Variants in EDARADD observed in about 807,000 individuals in gnomAD.
EDARADD encodes the protein ectodysplasin-A receptor-associated adapter protein.
Under a neutral mutation model 25.6 loss-of-function variants are expected in EDARADD, and 20 were observed. That is an observed-to-expected ratio of 0.78 (90% confidence interval 0.55 to 1.14). The LOEUF (loss-of-function observed/expected upper bound fraction) is 1.14, where lower values mean the gene tolerates loss of function less well. Ranked by LOEUF, EDARADD falls within the 50% of genes most tolerant of loss-of-function variation. The pLI is 0.00. For missense variants in EDARADD, 225 were observed against 270.1 expected (o/e 0.83, Z 1.17); for synonymous variants, 86 against 94.4 (o/e 0.91, Z 0.52).
intron 4 of EDARADD, among the ~76,000 whole-genome samples, chr1:236,457,070 T>A (rs1658889433): frequency 6.6e-6 from 1 of 152,094 alleles, no homozygotes; most frequent in Non-Finnish European, 1.5e-5. Context: ...AGGCCTTGAG[T>A]ACTTTTTTTC....
At chr1:236,453,300 A>G (rs184201389) in intron 4 of EDARADD, among the ~76,000 whole-genome samples, 1,852 of 128,136 alleles carry the variant, frequency 0.014, 52 homozygotes, top group African/African-American at 0.053. Context: ...TTTTTTTGAG[A>G]TGGAGTCTCG....
intron 1 of EDARADD, among the ~76,000 whole-genome samples, chr1:236,401,351 C>T (rs780250732): frequency 6.6e-5 from 10 of 152,318 alleles, no homozygotes; most frequent in African/African-American, 1.7e-4. Flanking sequence ...GAAGTCCTGA[C>T]ATACTTCCTT....
intron 3 of EDARADD, among the ~76,000 whole-genome samples, chr1:236,372,886 A>G (rs192657717): frequency 6.7e-6 from 1 of 148,428 alleles, no homozygotes; most frequent in Non-Finnish European, 1.5e-5. Flanking sequence ...TTTAATGCCC[A>G]TGGGATCATT....
chr1:236,420,096 G>A (rs1657743719), intron 3 of EDARADD, among the ~76,000 whole-genome samples: 1 of 152,332 alleles, frequency 6.6e-6, no homozygotes, highest in East Asian at 1.9e-4. Flanking sequence ...TGAGGCACGA[G>A]AATCGCTTGA....
At chr1:236,447,043 G>C (rs1487125857) in intron 4 of EDARADD, among the ~76,000 whole-genome samples, 1 of 152,198 alleles carries the variant, frequency 6.6e-6, no homozygotes, top group Non-Finnish European at 1.5e-5. Flanking sequence ...GGTCACCAGT[G>C]CTGGCACCAG....
chr1:236,479,796 G>T (rs1386428789), intron 5 of EDARADD, among the ~76,000 whole-genome samples: 1 of 150,536 alleles, frequency 6.6e-6, no homozygotes, highest in Non-Finnish European at 1.5e-5. Flanking sequence ...CCACAATCTC[G>T]GTGCTTTGGG....
In EDARADD at chr1:236,484,765, G is replaced by A. The variant is rs558997950; in HGVS notation, c.*2116G>A. 4.4e-4 allele frequency: 113 copies of A among 255,946 alleles called. No individual in the cohort carries two copies. The highest frequency in any genetic ancestry group is 2.3e-3 in the African/African-American group (101 of 44,278). 15.9% of individuals were successfully genotyped at this position (255,946 alleles called of 1,614,324 possible). A position where few individuals can be genotyped will look rare whatever the true frequency, so the allele number is the denominator to read the frequency against. Reference sequence around the variant, plus strand: ...AAGCCAAGCTCCCTGGAGCCCTGTTGGCAGCTCTAGCCTTGCAGTCATGTA... The same window carrying A: ...AAGCCAAGCTCCCTGGAGCCCTGTTAGCAGCTCTAGCCTTGCAGTCATGTA... On this transcript the variant is annotated 3_prime_UTR_variant, in exon 6 of 6. Coordinates refer to ENST00000334232, the MANE Select transcript of EDARADD (RefSeq NM_145861.4). This position sits in a 1 kb window ranked among gnomAD's most constrained non-coding sequence, Gnocchi z 4.1.
chr1:236,464,340 C>G (rs1190308420), intron 4 of EDARADD, among the ~76,000 whole-genome samples: 1 of 150,776 alleles, frequency 6.6e-6, no homozygotes, highest in Non-Finnish European at 1.5e-5. Flanking sequence ...ACCTTGAACT[C>G]CTGGGCTCAA....
chr1:236,421,863 C>G (rs945356861), intron 3 of EDARADD, among the ~76,000 whole-genome samples: 18 of 152,100 alleles, frequency 1.2e-4, no homozygotes, highest in African/African-American at 4.3e-4. Flanking sequence ...CAACAGTTCA[C>G]CCCTAGATGC....
At chr1:236,444,912 T>C (rs186596564) in intron 4 of EDARADD, among the ~76,000 whole-genome samples, 1 of 152,242 alleles carries the variant, frequency 6.6e-6, no homozygotes, top group Admixed American at 6.5e-5. Flanking sequence ...TTTATAGTTT[T>C]CCTCACATAG....
intron 4 of EDARADD, among the ~76,000 whole-genome samples, chr1:236,431,927 CAAAAAAAAAAA>C (rs1170622280): frequency 5.6e-5 from 1 of 17,994 alleles, no homozygotes; most frequent in Admixed American, 7.1e-4. Context: ...GACTCCGTCT[CAAAAAAAAAAA>C]AAAAAAAAAA....
intron 1 of EDARADD, among the ~76,000 whole-genome samples, chr1:236,401,228 C>G (rs889803875): frequency 6.6e-6 from 1 of 151,602 alleles, no homozygotes; most frequent in Non-Finnish European, 1.5e-5. Flanking sequence ...ACACAAATAA[C>G]AAATGAGAAA....
chr1:236,483,918 T>C lies in EDARADD; in HGVS notation c.*1269T>C, dbSNP rs1659756852. The C allele has an allele frequency of 7.3e-7, 1 of 1,379,062 alleles. No homozygotes were observed. Among genetic ancestry groups the C allele is most frequent in the Admixed American group, 1.7e-5 (1 of 59,462 alleles). The allele number at this position is 1,379,062 out of a possible 1,614,324, so 85.4% of individuals were successfully genotyped here. ...CATGGACGTAGAGGCCTCCGAGTTCTTCAGGTCTGGAAAGTATGACCTGGA... is the reference window on the plus strand; with the variant it reads ...CATGGACGTAGAGGCCTCCGAGTTCCTCAGGTCTGGAAAGTATGACCTGGA... On this transcript the variant is annotated 3_prime_UTR_variant, in exon 6 of 6. Transcript: ENST00000334232.
chr1:236,468,163 G>T, intron 4 of EDARADD, 68 bp from the exon 5 acceptor site: 1 of 1,497,364 alleles, frequency 6.7e-7, no homozygotes, highest in Non-Finnish European at 9.3e-7. Flanking sequence ...TAACTAAGTT[G>T]GAAGATTGAT....
intron 1 of EDARADD, among the ~76,000 whole-genome samples, chr1:236,406,756 A>T (rs1459223391): frequency 6.6e-6 from 1 of 151,938 alleles, no homozygotes; most frequent in Non-Finnish European, 1.5e-5. Flanking sequence ...ATGTCAACTC[A>T]TCCTTCCAGA....
upstream of EDARADD, among the ~76,000 whole-genome samples, chr1:236,391,880 C>G (rs12138530): frequency 0.022 from 3,314 of 152,266 alleles, 69 homozygotes; most frequent in Non-Finnish European, 0.032. Flanking sequence ...TGAGTTAAAG[C>G]CTCGGAATTT....
chr1:236,447,194 T>TTCTC (rs1658573493), intron 4 of EDARADD, among the ~76,000 whole-genome samples: 1 of 61,176 alleles, frequency 1.6e-5, no homozygotes, highest in Admixed American at 2.1e-4. Context: ...CTTTCTTTCT[T>TTCTC]TCTTTCTTTC....
At chr1:236,449,397 C>G (rs568693246) in intron 4 of EDARADD, among the ~76,000 whole-genome samples, 2 of 152,262 alleles carry the variant, frequency 1.3e-5, no homozygotes, top group South Asian at 4.1e-4. Context: ...CAGAATTTGT[C>G]TCGAAATCTG....
chr1:236,476,462 G>A (rs1438626868), intron 5 of EDARADD, among the ~76,000 whole-genome samples: 1 of 152,028 alleles, frequency 6.6e-6, no homozygotes, highest in African/African-American at 2.4e-5. Flanking sequence ...GAGGCAGGTG[G>A]ATTGCTTCAG....
Sources: gnomAD v4.1 joint callset for allele counts (sites outside exome capture counted in the v4.1 genomes callset) on GRCh38, gnomAD v4.1.1 for gene constraint, Gnocchi (gnomAD v3.1) non-coding constraint, MANE v1.5 for transcripts, NCBI Gene and HGNC (gene_info 2026-07-23, HGNC 2026-07-21) for gene names.